The following ADGRL3 variants were observed in gnomAD, a reference collection of about 807,000 sequenced individuals.
ADGRL3 encodes the protein calcium-independent alpha-latrotoxin receptor 3.
In ADGRL3, 62 loss-of-function variants were observed where a neutral mutation model predicts 153.5. The ratio of observed to expected loss-of-function variants is 0.40; its 90% CI spans 0.33 to 0.50. ADGRL3 has a LOEUF of 0.50. Ranked by LOEUF, ADGRL3 falls within the 20% of genes least tolerant of loss-of-function variation. The probability of loss-of-function intolerance (pLI) is 0.47; values close to 1 mark genes in which losing one functional copy is unlikely to be tolerated. For synonymous variants in ADGRL3, 710 were observed against 672.5 expected (o/e 1.06, Z -0.86); for missense variants, 1,641 against 1,859.4 (o/e 0.88, Z 2.16).
chr4:61,711,343 A>T (rs2151470667), intron 6 of ADGRL3, among the ~76,000 whole-genome samples: 1 of 151,352 alleles, frequency 6.6e-6, no homozygotes, highest in South Asian at 2.1e-4. Context: ...GCACATAAAA[A>T]GTAGGCAATG....
At chr4:61,394,029 T>C (rs1252277850) in intron 2 of ADGRL3, among the ~76,000 whole-genome samples, 1 of 152,054 alleles carries the variant, frequency 6.6e-6, no homozygotes, top group Non-Finnish European at 1.5e-5. Flanking sequence ...CAAAATTCTT[T>C]GTGAAAACTT....
intron 17 of ADGRL3, among the ~76,000 whole-genome samples, chr4:61,956,080 T>C (rs1239269152): frequency 1.3e-5 from 2 of 152,298 alleles, no homozygotes; most frequent in East Asian, 1.9e-4. Context: ...TCAAATAGTA[T>C]TTCTGGTTCT....
At chr4:62,056,537 T>G (rs2151815937) in intron 25 of ADGRL3, among the ~76,000 whole-genome samples, 1 of 152,142 alleles carries the variant, frequency 6.6e-6, no homozygotes, top group African/African-American at 2.4e-5. Flanking sequence ...CTCATCTCCC[T>G]GTGAAAGATC....
chr4:61,461,067 C>CA (rs1276657413), intron 2 of ADGRL3, among the ~76,000 whole-genome samples: 2 of 152,034 alleles, frequency 1.3e-5, no homozygotes, highest in East Asian at 1.9e-4. Flanking sequence ...GAGACTACAT[C>CA]AAAAAAACAA....
At chr4:61,575,885 C>A (rs2098874721) in intron 4 of ADGRL3, among the ~76,000 whole-genome samples, 1 of 151,978 alleles carries the variant, frequency 6.6e-6, no homozygotes, top group Admixed American at 6.6e-5. Context: ...TTTATAAAGA[C>A]TTTCTATTGA....
At chr4:61,796,405 T>C (rs2097412475) in intron 8 of ADGRL3, among the ~76,000 whole-genome samples, 1 of 152,084 alleles carries the variant, frequency 6.6e-6, no homozygotes, top group African/African-American at 2.4e-5. Flanking sequence ...TAGTAAGTCT[T>C]GGTGGAGATC....
At chr4:61,893,958 G>C (rs991326924) in intron 10 of ADGRL3, among the ~76,000 whole-genome samples, 1 of 151,936 alleles carries the variant, frequency 6.6e-6, no homozygotes, top group Non-Finnish European at 1.5e-5. Flanking sequence ...TGATCAGCCC[G>C]CCTCAGCCTC....
intron 9 of ADGRL3, among the ~76,000 whole-genome samples, chr4:61,883,761 T>A (rs1277237160): frequency 6.6e-6 from 1 of 151,376 alleles, no homozygotes; most frequent in Non-Finnish European, 1.5e-5. Flanking sequence ...ATTGACAGAT[T>A]TTTTTTTTCT....
At chr4:61,552,796 A>G (rs1429340573) in intron 4 of ADGRL3, among the ~76,000 whole-genome samples, 1 of 152,156 alleles carries the variant, frequency 6.6e-6, no homozygotes, top group Non-Finnish European at 1.5e-5. Context: ...GGCCAAGAAT[A>G]CACTATTAGA....
chr4:61,554,273 A>G (rs1249404886), intron 4 of ADGRL3, among the ~76,000 whole-genome samples: 1 of 151,518 alleles, frequency 6.6e-6, no homozygotes, highest in African/African-American at 2.4e-5. Flanking sequence ...GGCTCACTGC[A>G]ACCTCCACCT....
At chr4:61,744,788 A>G (rs2096632275) in intron 8 of ADGRL3, among the ~76,000 whole-genome samples, 1 of 152,216 alleles carries the variant, frequency 6.6e-6, no homozygotes. Context: ...AAAAACTGGA[A>G]ACTCTAAAAA....
At chr4:61,480,076 A>G (rs2098115939) in intron 2 of ADGRL3, among the ~76,000 whole-genome samples, 1 of 152,238 alleles carries the variant, frequency 6.6e-6, no homozygotes, top group South Asian at 2.1e-4. Flanking sequence ...TCAAGCATGT[A>G]CTGTTATTAA....
intron 19 of ADGRL3, among the ~76,000 whole-genome samples, chr4:61,987,138 T>TA (rs1378343455): frequency 6.8e-6 from 1 of 148,144 alleles, no homozygotes; most frequent in African/African-American, 2.5e-5. Flanking sequence ...TATTTTATTT[T>TA]ATTTTATTTT....
At chr4:61,377,847 T>C (rs993726805) in intron 1 of ADGRL3, among the ~76,000 whole-genome samples, 7 of 152,022 alleles carry the variant, frequency 4.6e-5, no homozygotes, top group African/African-American at 1.7e-4. Flanking sequence ...AATTTGCCTT[T>C]GAGTACTGCT....
At chr4:61,837,215 GA>G (rs879921579) in intron 9 of ADGRL3, among the ~76,000 whole-genome samples, 5 of 152,086 alleles carry the variant, frequency 3.3e-5, no homozygotes, top group Non-Finnish European at 7.4e-5. Context: ...TGCCAGGGAG[GA>G]AAAACTTTTC....
chr4:61,435,134 G>A (rs1008193191), intron 2 of ADGRL3, among the ~76,000 whole-genome samples: 2 of 151,970 alleles, frequency 1.3e-5, no homozygotes, highest in African/African-American at 4.8e-5. Flanking sequence ...TATTTTGTCA[G>A]TAACACATAT....
intron 25 of ADGRL3, among the ~76,000 whole-genome samples, chr4:62,055,529 A>C (rs1003905607): frequency 2.6e-5 from 4 of 151,860 alleles, no homozygotes; most frequent in Admixed American, 1.3e-4. Flanking sequence ...ATGATGAAAG[A>C]GTTCTTAGCG....
At chr4:61,641,341 T>A (rs1326732831) in intron 5 of ADGRL3, among the ~76,000 whole-genome samples, 1 of 151,924 alleles carries the variant, frequency 6.6e-6, no homozygotes, top group African/African-American at 2.4e-5. Flanking sequence ...AATGTGCAGG[T>A]TAGTTACATA....
intron 1 of ADGRL3, among the ~76,000 whole-genome samples, chr4:61,249,119 T>C (rs931785260): frequency 1.3e-5 from 2 of 152,178 alleles, no homozygotes; most frequent in Non-Finnish European, 2.9e-5. Context: ...ATGCATTCAG[T>C]CTGGAAATGA....
Sources: gnomAD v4.1 joint callset for allele counts (sites outside exome capture counted in the v4.1 genomes callset) on GRCh38, gnomAD v4.1.1 for gene constraint, MANE v1.5 for transcripts, NCBI Gene and HGNC (gene_info 2026-07-23, HGNC 2026-07-21) for gene names.